HMGA2: variants seen among roughly 807,000 people sequenced by gnomAD.
HMGA2 encodes the protein high mobility group AT-hook 2.
A neutral mutation model predicts 19.1 loss-of-function variants in HMGA2; 8 were observed. The observed-to-expected ratio is 0.42, with a 90% CI of 0.25 to 0.76. HMGA2 has a LOEUF of 0.76. Ranked by LOEUF, HMGA2 falls within the 30% of genes least tolerant of loss-of-function variation. The probability of loss-of-function intolerance (pLI) is 0.28; values close to 1 mark genes in which losing one functional copy is unlikely to be tolerated. For synonymous variants in HMGA2, 60 were observed against 48.8 expected (o/e 1.23, Z -0.96); for missense variants, 109 against 136.3 (o/e 0.80, Z 1.00).
chr12:65,843,696 AC>A (rs1242371996), intron 3 of HMGA2, among the ~76,000 whole-genome samples: 4 of 150,844 alleles, frequency 2.7e-5, no homozygotes, highest in Non-Finnish European at 5.9e-5. Flanking sequence ...ACACACACAC[AC>A]AAGCACACAC....
In HMGA2 at chr12:65,825,732, G is replaced by A. The variant is rs1438612989; in HGVS notation, c.111+351G>A. Reference sequence around the variant, plus strand: ...GGGATCCGACAAACCCGGGCTCGCAGGCGCTTTCCGAGTTGCTTTTGCAAC... The same window carrying A: ...GGGATCCGACAAACCCGGGCTCGCAAGCGCTTTCCGAGTTGCTTTTGCAAC... On this transcript the variant is annotated intron_variant, in intron 1 of 4. Transcript: ENST00000403681. The surrounding 1 kb of genome is among the most constrained non-coding windows in gnomAD (Gnocchi z 4.4). Among the ~76,000 whole-genome samples the A allele has an allele frequency of 6.6e-6, 1 of 152,170 alleles. No homozygotes were observed. The highest frequency in any genetic ancestry group is 1.5e-5 in the Non-Finnish European group (1 of 68,032).
rs1485575565 is a variant in HMGA2, at chr12:65,847,355, T to C, written c.249+8786T>C. On this transcript the variant is annotated intron_variant, in intron 3 of 4. Transcript: ENST00000403681. ...AAATTCTGTTGAGCCATTTAACATATGGTGACCTTATTTTTCCTCTTTGTG... is the reference window on the plus strand; with the variant it reads ...AAATTCTGTTGAGCCATTTAACATACGGTGACCTTATTTTTCCTCTTTGTG... 3.3e-5 allele frequency among the ~76,000 whole-genome samples: 5 copies of C among 152,198 alleles called. No individual in the cohort carries two copies. The East Asian group carries it at 9.6e-4, about 29-fold the overall frequency.
At chr12:65,922,663 T>C (rs1875357238) in intron 3 of HMGA2, among the ~76,000 whole-genome samples, 1 of 152,074 alleles carries the variant, frequency 6.6e-6, no homozygotes, top group East Asian at 1.9e-4. Flanking sequence ...GAAGGCATGA[T>C]TGGTTTTGAA....
At chr12:65,934,512 G>C (rs1875826118) in intron 3 of HMGA2, among the ~76,000 whole-genome samples, 1 of 152,148 alleles carries the variant, frequency 6.6e-6, no homozygotes. Context: ...GCTATAACCA[G>C]AGAATGCAAA....
chr12:65,919,869 G>C (rs1388015907), intron 3 of HMGA2, among the ~76,000 whole-genome samples: 1 of 152,182 alleles, frequency 6.6e-6, no homozygotes, highest in African/African-American at 2.4e-5. Flanking sequence ...AGGATTCAAA[G>C]CTTCTTACAA....
At chr12:65,899,133 A>G (rs1413335518) in intron 3 of HMGA2, among the ~76,000 whole-genome samples, 2 of 151,868 alleles carry the variant, frequency 1.3e-5, no homozygotes, top group Non-Finnish European at 2.9e-5. Flanking sequence ...TCAATTTCCA[A>G]CGATGCCTAG....
chr12:65,838,998 C>CTTTTCTTTTTTTT (rs1870868883), intron 3 of HMGA2, among the ~76,000 whole-genome samples: 2 of 107,230 alleles, frequency 1.9e-5, no homozygotes, highest in African/African-American at 1.1e-4. Flanking sequence ...TTTTCTTTTT[C>CTTTTCTTTTTTTT]TTTTTTTTTT....
chr12:65,912,571 C>T (rs910764793), intron 3 of HMGA2, among the ~76,000 whole-genome samples: 24 of 152,238 alleles, frequency 1.6e-4, no homozygotes, highest in African/African-American at 5.5e-4. Flanking sequence ...CCTGTTCATG[C>T]TGAATTATCA....
chr12:65,862,589 A>T (rs562789163), intron 3 of HMGA2, among the ~76,000 whole-genome samples: 4 of 152,360 alleles, frequency 2.6e-5, no homozygotes, highest in African/African-American at 9.6e-5. Context: ...TACAAAAATT[A>T]AAAAAGTGTT....
At chr12:65,866,050 C>CTTTGTG (rs1872392938) in intron 3 of HMGA2, among the ~76,000 whole-genome samples, 3 of 152,162 alleles carry the variant, frequency 2.0e-5, no homozygotes, top group Non-Finnish European at 4.4e-5. Context: ...ACTATAATTC[C>CTTTGTG]TTTGTGTCTA....
intron 3 of HMGA2, among the ~76,000 whole-genome samples, chr12:65,905,713 C>T (rs1462390147): frequency 1.3e-5 from 2 of 152,108 alleles, no homozygotes; most frequent in African/African-American, 4.8e-5. Context: ...AAAATACTTT[C>T]CTTAAAAACA....
intron 2 of HMGA2, among the ~76,000 whole-genome samples, chr12:65,836,075 G>C (rs1199512063): frequency 6.6e-6 from 1 of 152,154 alleles, no homozygotes; most frequent in Non-Finnish European, 1.5e-5. Flanking sequence ...ATTGACCAAG[G>C]CTTCTGTGAG....
At chr12:65,857,667 A>C (rs1240829736) in intron 3 of HMGA2, 1 of 152,162 alleles carries the variant, frequency 6.6e-6, no homozygotes, top group Non-Finnish European at 1.5e-5. Context: ...TTTGGGAGGA[A>C]ATTTCCAAAT....
chr12:65,955,236 G>A (rs1308166201), intron 4 of HMGA2: 1 of 152,134 alleles, frequency 6.6e-6, no homozygotes, highest in Admixed American at 6.5e-5. Flanking sequence ...AATTTGAGCA[G>A]TTGAATTCTC....
At chr12:65,856,468 C>G (rs1322931571) in intron 3 of HMGA2, 1 of 152,284 alleles carries the variant, frequency 6.6e-6, no homozygotes, top group Non-Finnish European at 1.5e-5. Context: ...TTGCTTTTCC[C>G]TGTAGCGAGC....
chr12:65,843,803 C>T (rs1390534323), intron 3 of HMGA2, among the ~76,000 whole-genome samples: 2 of 152,044 alleles, frequency 1.3e-5, no homozygotes, highest in East Asian at 1.9e-4. Flanking sequence ...AATCCCAGCA[C>T]TTTGGGAGGC....
chr12:65,903,306 G>T (rs1008358659), intron 3 of HMGA2, among the ~76,000 whole-genome samples: 8 of 152,178 alleles, frequency 5.3e-5, no homozygotes, highest in African/African-American at 1.9e-4. Context: ...ATGCCATAAA[G>T]TTAAATGTAT....
At chr12:65,917,320 T>C (rs1439921631) in intron 3 of HMGA2, among the ~76,000 whole-genome samples, 1 of 152,198 alleles carries the variant, frequency 6.6e-6, no homozygotes, top group Admixed American at 6.5e-5. Context: ...GGAACGGGAT[T>C]GCCGCTAAGA....
intron 3 of HMGA2, among the ~76,000 whole-genome samples, chr12:65,864,392 T>C (rs1354295335): frequency 2.0e-5 from 3 of 152,212 alleles, no homozygotes; most frequent in Non-Finnish European, 4.4e-5. Flanking sequence ...AGTAGTGTTA[T>C]AAAGACAAAA....
Sources: gnomAD v4.1 joint callset for allele counts (sites outside exome capture counted in the v4.1 genomes callset) on GRCh38, gnomAD v4.1.1 for gene constraint, Gnocchi (gnomAD v3.1) non-coding constraint, MANE v1.5 for transcripts, NCBI Gene and HGNC (gene_info 2026-07-23, HGNC 2026-07-21) for gene names.